Variants in ZNF670 observed in about 807,000 individuals in gnomAD.
ZNF670 encodes the protein zinc finger protein 670.
A neutral mutation model predicts 10.9 loss-of-function variants in ZNF670; 7 were observed. That is an observed-to-expected ratio of 0.64 (90% CI 0.36 to 1.20). The LOEUF (loss-of-function observed/expected upper bound fraction) is 1.20, where lower values mean the gene tolerates loss of function less well. ZNF670 is among the 50% of genes most tolerant of loss of function. ZNF670 has a pLI of 0.02. For missense variants in ZNF670, 446 were observed against 458.6 expected (o/e 0.97, Z 0.25); for synonymous variants, 136 against 152.7 (o/e 0.89, Z 0.81).
intron 1 of ZNF670, among the ~76,000 whole-genome samples, chr1:247,071,704 T>C (rs1671118831): frequency 6.6e-6 from 1 of 152,236 alleles, no homozygotes; most frequent in Non-Finnish European, 1.5e-5. Context: ...TAAAGTAATA[T>C]GAAACCTTTT....
At chr1:247,058,857 A>G (rs1670785286) in intron 1 of ZNF670, among the ~76,000 whole-genome samples, 1 of 152,208 alleles carries the variant, frequency 6.6e-6, no homozygotes, top group African/African-American at 2.4e-5. Context: ...GTCTATACGT[A>G]TTTTTAAAAT....
At chr1:247,078,533 C>T (rs1409333857) in intron 1 of ZNF670, 61 bp downstream of exon 1, 3 of 1,609,898 alleles carry the variant, frequency 1.9e-6, no homozygotes, top group East Asian at 2.2e-5. Context: ...CCGGGTTCGC[C>T]ACAACCGCTT....
intron 1 of ZNF670, among the ~76,000 whole-genome samples, chr1:247,073,349 A>G (rs1254059217): frequency 1.3e-5 from 2 of 152,210 alleles, no homozygotes; most frequent in East Asian, 1.9e-4. Context: ...CTTGGGGGCC[A>G]CTCTCAAGGT....
intron 1 of ZNF670, among the ~76,000 whole-genome samples, chr1:247,052,530 A>T (rs1440772691): frequency 2.6e-5 from 4 of 151,602 alleles, no homozygotes; most frequent in Non-Finnish European, 5.9e-5. Context: ...CCTTGCTTGT[A>T]GTTTTTTGGG....
rs773392532 is a variant in ZNF670, at chr1:247,078,633, C to T, written c.-37G>A. On this transcript the variant is annotated 5_prime_UTR_variant, in exon 1 of 4. Transcript: ENST00000366503. ...CGGTGTCTGGGGTCCTCCCTAAGGA[C>T]CTTCCGGGACCTGCAGGTCCCAGAG... 9.4e-5 allele frequency: 151 copies of T among 1,612,296 alleles called. No homozygotes were observed. The highest frequency in any genetic ancestry group is 2.3e-4 in the Admixed American group (14 of 59,890).
intron 2 of ZNF670, 137 bp from the exon 3 acceptor site, chr1:247,039,007 C>A: frequency 1.8e-5 from 9 of 488,478 alleles, no homozygotes; most frequent in South Asian, 3.8e-5. Context: ...AATCAGGAAA[C>A]ATTCATAACC....
intron 1 of ZNF670, among the ~76,000 whole-genome samples, chr1:247,061,016 C>T (rs995548933): frequency 2.0e-5 from 3 of 152,042 alleles, no homozygotes. Context: ...TAGGAAGTTT[C>T]CAAATTGCAA....
Position 247,037,925 on chromosome 1 carries a change from TACC to T in ZNF670, c.691_693del (p.Gly231del). On this transcript the variant is annotated inframe_deletion, in exon 4 of 4. Coordinates refer to ENST00000366503, the MANE Select transcript of ZNF670 (RefSeq NM_033213.5). ...AGAGAACTGGAAAAAGTGAATGATT[TACC>T]ACATTTCTTACATGCATAGGGTTTC... 1 of 1,614,062 alleles carries T rather than the reference TACC, an allele frequency of 6.2e-7. No individual in the cohort carries two copies. Among genetic ancestry groups the T allele is most frequent in the Non-Finnish European group, 8.5e-7 (1 of 1,179,982 alleles).
rs1558334130 is a variant in ZNF670 at position 247,036,903 on chromosome 1, C to CACACACACACACACAT, written c.*545_*546insATGTGTGTGTGTGTGT. 1.3e-5 allele frequency: 2 copies of CACACACACACACACAT among 152,754 alleles called. No individual in the cohort carries two copies. The highest frequency in any genetic ancestry group is 6.5e-5 in the Admixed American group (1 of 15,418). The allele number at this position is 152,754 out of a possible 1,614,324, so 9.5% of individuals were successfully genotyped here. A position where few individuals can be genotyped will look rare whatever the true frequency, so the allele number is the denominator to read the frequency against. On this transcript the variant is annotated 3_prime_UTR_variant, in exon 4 of 4. Transcript: ENST00000366503. ...ACACACACACACACACACACACACACATGAACTCATTTTTCATTGGTCCAT... is the reference window on the plus strand; with the variant it reads ...ACACACACACACACACACACACACACACACACACACACACATATGAACTCATTTTTCATTGGTCCAT...
At chr1:247,043,186 C>G in intron 1 of ZNF670, 1 of 750,404 alleles carries the variant, frequency 1.3e-6, no homozygotes, top group Non-Finnish European at 2.4e-6. Context: ...ACGTGCTGGA[C>G]CCTCATGACA....
intron 1 of ZNF670, among the ~76,000 whole-genome samples, chr1:247,067,093 T>G (rs1670998685): frequency 6.6e-6 from 1 of 152,198 alleles, no homozygotes; most frequent in African/African-American, 2.4e-5. Context: ...TGAGGCTATG[T>G]CATGGTTACA....
rs1325845800 is a variant in ZNF670, at chr1:247,039,501, T to C, written c.40A>G (p.Thr14Ala). ...VSFEDVAVAFTQEEWALLDPS... is the reference protein window; with the variant it reads ...VSFEDVAVAFAQEEWALLDPS... ...TCCAGCAAAGCCCACTCCTCCTGAGTAAAGGCCACAGCCACATCTTCAAAT... is the reference window on the plus strand; with the variant it reads ...TCCAGCAAAGCCCACTCCTCCTGAGCAAAGGCCACAGCCACATCTTCAAAT... The change falls in exon 2 of 4, where the codon ACT (threonine) becomes GCT (alanine). Residue 14 changes from threonine to alanine, a missense_variant. Thr to Ala is a moderately conservative substitution (Grantham distance 58). Transcript: ENST00000366503. 1 of 1,603,448 alleles carries C rather than the reference T, an allele frequency of 6.2e-7. No homozygotes were observed. The highest frequency in any genetic ancestry group is 8.5e-7 in the Non-Finnish European group (1 of 1,175,970).
At chr1:247,077,027 G>T (rs569162284) in intron 1 of ZNF670, among the ~76,000 whole-genome samples, 2 of 152,336 alleles carry the variant, frequency 1.3e-5, no homozygotes, top group Admixed American at 6.5e-5. Flanking sequence ...ACTGGGGTGG[G>T]TATTCCTTGT....
intron 1 of ZNF670, among the ~76,000 whole-genome samples, chr1:247,049,344 G>T (rs1026461491): frequency 5.9e-5 from 9 of 151,932 alleles, no homozygotes; most frequent in African/African-American, 2.2e-4. Context: ...GGGATTACAG[G>T]CATGAGCCAC....
At chr1:247,048,494 C>A (rs1572560257) in intron 1 of ZNF670, among the ~76,000 whole-genome samples, 1 of 152,330 alleles carries the variant, frequency 6.6e-6, no homozygotes, top group Admixed American at 6.5e-5. Context: ...TCCTTCTGAG[C>A]CCTCCAAACT....
chr1:247,049,191 C>T (rs948837991), intron 1 of ZNF670, among the ~76,000 whole-genome samples: 1 of 151,130 alleles, frequency 6.6e-6, no homozygotes, highest in African/African-American at 2.4e-5. Flanking sequence ...CTCCACCTGC[C>T]GGGTTAAGTG....
intron 1 of ZNF670, among the ~76,000 whole-genome samples, chr1:247,052,406 C>A (rs572421563): frequency 4.9e-4 from 74 of 152,076 alleles, no homozygotes; most frequent in Non-Finnish European, 8.4e-4. Flanking sequence ...TGGGCTGGTA[C>A]TGGGGAGTGT....
intron 1 of ZNF670, chr1:247,043,087 C>G (rs973066614): frequency 8.9e-6 from 10 of 1,128,146 alleles, no homozygotes; most frequent in African/African-American, 1.5e-5. Context: ...GGGAGCTTTC[C>G]AGGCTCAGGA....
intron 3 of ZNF670, 76 bp downstream of exon 3, chr1:247,038,729 AGTTGT>A: frequency 7.9e-7 from 1 of 1,259,580 alleles, no homozygotes; most frequent in South Asian, 1.3e-5. Flanking sequence ...AGTGGTTCTT[AGTTGT>A]TTTGTCTGTT....
Sources: gnomAD v4.1 joint callset for allele counts (sites outside exome capture counted in the v4.1 genomes callset) on GRCh38, gnomAD v4.1.1 for gene constraint, MANE v1.5 for transcripts, NCBI Gene and HGNC (gene_info 2026-07-23, HGNC 2026-07-21) for gene names.